The following COL12A1 variants were observed in gnomAD, a reference collection of about 807,000 sequenced individuals.
The protein encoded by COL12A1 is collagen type XII alpha 1 chain, also known as collagen alpha-1(XII) chain.
COL12A1 carries 114 observed loss-of-function variants against 349.7 expected under a neutral mutation model. The observed-to-expected ratio is 0.33, with a 90% CI of 0.28 to 0.38. The LOEUF (loss-of-function observed/expected upper bound fraction) is 0.38, where lower values mean the gene tolerates loss of function less well. Among genes scored for constraint, COL12A1 ranks in the 10% least tolerant of loss-of-function variants. The pLI is 1.00. For missense variants in COL12A1, 3,284 were observed against 3,756.9 expected (o/e 0.87, Z 3.29); for synonymous variants, 1,369 against 1,329.0 (o/e 1.03, Z -0.66).
intron 2 of COL12A1, among the ~76,000 whole-genome samples, chr6:75,200,371 G>C (rs981002980): frequency 6.6e-6 from 1 of 152,114 alleles, no homozygotes; most frequent in African/African-American, 2.4e-5. Flanking sequence ...CCAGGGGTTC[G>C]AGACCAGCCT....
chr6:75,131,974 T>C lies in COL12A1; in HGVS notation c.5903A>G (p.Tyr1968Cys). The C allele has an allele frequency of 6.2e-7, 1 of 1,614,096 alleles. No individual in the cohort carries two copies. Among genetic ancestry groups the C allele is most frequent in the Non-Finnish European group, 8.5e-7 (1 of 1,179,992 alleles). ...GGGTCTTGTGCCATCCACAGGAGAA[T>C]ACACAACGCGATATTGCAGCACAGG... is the stretch of plus-strand genomic sequence containing the variant. ...PGPVLQYRVV[Y>C]SPVDGTRPSE... The change falls in exon 35 of 66, where the codon TAT (tyrosine) becomes TGT (cysteine). Residue 1968 changes from tyrosine (Y) to cysteine (C), a missense_variant. Around this residue, in one of 2 missense-constraint regions of COL12A1, gnomAD observed 2,601 missense variants for 2,824.8 expected, o/e 0.92. Transcript: ENST00000322507.
At chr6:75,108,618 C>A (rs186432265) in intron 52 of COL12A1, among the ~76,000 whole-genome samples, 1 of 152,242 alleles carries the variant, frequency 6.6e-6, no homozygotes, top group Non-Finnish European at 1.5e-5. Flanking sequence ...GTGAAAGTTG[C>A]AACTAGTGTC....
intron 2 of COL12A1, among the ~76,000 whole-genome samples, chr6:75,198,874 C>G (rs1770374776): frequency 6.6e-6 from 1 of 152,092 alleles, no homozygotes; most frequent in Non-Finnish European, 1.5e-5. Flanking sequence ...TCTGTGATAA[C>G]AACACTGGAA....
Position 75,125,279 on chromosome 6 carries a change from T to C in COL12A1, c.6461-6A>G. On this transcript the variant is annotated splice_polypyrimidine_tract_variant and splice_region_variant and intron_variant, in intron 39 of 65. Coordinates refer to ENST00000322507, the MANE Select transcript of COL12A1 (RefSeq NM_004370.6). ...TTCCATGGGCTCATTGGAACCTTTA[T>C]TAACAACCACAAAAATACACAGAAA... The C allele has an allele frequency of 6.3e-7, 1 of 1,592,234 alleles. No individual in the cohort carries two copies. The highest frequency in any genetic ancestry group is 8.5e-7 in the Non-Finnish European group (1 of 1,170,582).
At chr6:75,195,708 T>C (rs1770190931) in intron 2 of COL12A1, among the ~76,000 whole-genome samples, 1 of 152,178 alleles carries the variant, frequency 6.6e-6, no homozygotes, top group Non-Finnish European at 1.5e-5. Flanking sequence ...TGCTGAATGT[T>C]CCAGGGTGTA....
At position 75,086,648 on chromosome 6, in the gene COL12A1, G is replaced by GTATA. The variant is rs61611291; in HGVS notation, c.9182-95_9182-92dup. 0.012 allele frequency: 3,444 copies of GTATA among 288,876 alleles called. 101 individuals carry two copies. Among genetic ancestry groups the GTATA allele is most frequent in the African/African-American group, 0.071 (2,937 of 41,156 alleles). 17.9% of individuals were successfully genotyped at this position (288,876 alleles called of 1,614,324 possible). A position where few individuals can be genotyped will look rare whatever the true frequency, so the allele number is the denominator to read the frequency against. On this transcript the variant is annotated intron_variant, in intron 65 of 65. Coordinates refer to ENST00000322507, the MANE Select transcript of COL12A1 (RefSeq NM_004370.6). ...TCCATCTACGTATGTAATGGTTAAA[G>GTATA]TATATATATATATATATATATATAT...
At chr6:75,115,599 C>T (rs1295960649) in intron 49 of COL12A1, among the ~76,000 whole-genome samples, 185 bp downstream of exon 49, 4 of 152,124 alleles carry the variant, frequency 2.6e-5, no homozygotes, top group African/African-American at 9.7e-5. Flanking sequence ...TCTTAGTCTC[C>T]TGTGTGCAAA....
chr6:75,115,855 C>T lies in COL12A1; in HGVS notation c.7626G>A (p.Leu2542=). 6.2e-7 allele frequency: 1 copy of T among 1,613,652 alleles called. No individual in the cohort carries two copies. Among genetic ancestry groups the T allele is most frequent in the Non-Finnish European group, 8.5e-7 (1 of 1,179,710 alleles). ...AGTAGCTGGGGAAAGACCCTGACTC[C>T]AAAGATACTCCTTGTACAGAAGCAA... The part of the protein sequence containing the change: ...KNFASVQGVS[L]ESGSFPSYSA... The change falls in exon 49 of 66, where the codon TTG becomes TTA. Residue 2542 remains leucine (L), a synonymous_variant. Coordinates refer to ENST00000322507, the MANE Select transcript of COL12A1 (RefSeq NM_004370.6).
intron 17 of COL12A1, among the ~76,000 whole-genome samples, chr6:75,153,634 C>T (rs924946932): frequency 6.6e-6 from 1 of 152,014 alleles, no homozygotes; most frequent in Non-Finnish European, 1.5e-5. Flanking sequence ...TTAAGGATTC[C>T]CAAATACTAT....
intron 57 of COL12A1, 101 bp from the exon 58 acceptor site, chr6:75,101,754 C>T: frequency 7.5e-7 from 1 of 1,327,246 alleles, no homozygotes; most frequent in Non-Finnish European, 1.0e-6. Flanking sequence ...TCCAGAGACT[C>T]TGAATAGAAA....
chr6:75,186,279 C>T (rs1769614355), intron 8 of COL12A1, among the ~76,000 whole-genome samples: 1 of 152,096 alleles, frequency 6.6e-6, no homozygotes, highest in Non-Finnish European at 1.5e-5. Flanking sequence ...AAGAAAACAA[C>T]ACACAACCCC....
At chr6:75,198,544 C>T (rs1770353030) in intron 2 of COL12A1, among the ~76,000 whole-genome samples, 1 of 151,654 alleles carries the variant, frequency 6.6e-6, no homozygotes, top group South Asian at 2.1e-4. Context: ...TCAGGTATCT[C>T]CAATTCAGAT....
At chr6:75,088,102 A>G (rs1397433485) in intron 64 of COL12A1, among the ~76,000 whole-genome samples, 1 of 152,220 alleles carries the variant, frequency 6.6e-6, no homozygotes, top group Non-Finnish European at 1.5e-5. Flanking sequence ...GCTGCCATCA[A>G]AAGAAGGCAG....
intron 32 of COL12A1, 41 bp downstream of exon 32, chr6:75,134,685 G>C (rs1048492318): frequency 6.6e-7 from 1 of 1,518,064 alleles, no homozygotes. Flanking sequence ...CATTCTAATA[G>C]TAGCTATTAA....
intron 10 of COL12A1, among the ~76,000 whole-genome samples, chr6:75,182,738 C>T (rs1769378613): frequency 6.6e-6 from 1 of 152,184 alleles, no homozygotes; most frequent in African/African-American, 2.4e-5. Flanking sequence ...ACACCCCATA[C>T]ATGGGATTTG....
rs371880506 is a variant in COL12A1, at chr6:75,155,849, G to A, written c.3256C>T (p.Arg1086Trp). The A allele has an allele frequency of 5.6e-6, 9 of 1,593,888 alleles. No homozygotes were observed. Among genetic ancestry groups the A allele is most frequent in the Admixed American group, 1.9e-5 (1 of 53,920 alleles). The change falls in exon 16 of 66, where the codon CGG becomes TGG. Residue 1086 changes from arginine (R) to tryptophan (W), a missense_variant. Arg to Trp is a moderately radical substitution (Grantham distance 101). Around this residue, in one of 2 missense-constraint regions of COL12A1, gnomAD observed 2,601 missense variants for 2,824.8 expected, o/e 0.92. Transcript: ENST00000322507. Reference sequence around the variant, plus strand: ...TTGAGGTTTCTAGGAGACTTAAACCGAGAAGCTGTAAAGACAAAAAGATTT... The same window carrying A: ...TTGAGGTTTCTAGGAGACTTAAACCAAGAAGCTGTAAAGACAAAAAGATTT... ...LRQGSGTTAS[R>W]FKSPRNLKTS...
rs199757996 is a variant in COL12A1, at chr6:75,151,968, G to A, written c.3899C>T (p.Ala1300Val). 96 of 1,613,686 alleles carry A rather than the reference G, an allele frequency of 5.9e-5. No individual in the cohort carries two copies. The highest frequency in any genetic ancestry group is 7.3e-5 in the Non-Finnish European group (86 of 1,179,832). ...FRTQAGMRPRARKIGVLITDG... is the reference protein window; with the variant it reads ...FRTQAGMRPRVRKIGVLITDG... Reference sequence around the variant, plus strand: ...AGTAATGAGCACACCAATTTTTCGAGCTCGAGGTCTCATGCCAGCTTGGGT... The same window carrying A: ...AGTAATGAGCACACCAATTTTTCGAACTCGAGGTCTCATGCCAGCTTGGGT... The change falls in exon 20 of 66, where the codon GCT becomes GTT. Residue 1300 changes from alanine (A) to valine (V), a missense_variant. By Grantham distance (64) the Ala-to-Val change is moderately conservative. Around this residue, in one of 2 missense-constraint regions of COL12A1, gnomAD observed 2,601 missense variants for 2,824.8 expected, o/e 0.92. Transcript: ENST00000322507.
At chr6:75,125,051 C>T (rs1765945570) in intron 40 of COL12A1, 76 bp downstream of exon 40, 11 of 1,399,542 alleles carry the variant, frequency 7.9e-6, no homozygotes, top group Non-Finnish European at 1.0e-5. Flanking sequence ...TGTTCAGAAA[C>T]AGGAAATTAA....
At chr6:75,189,115 TC>T in intron 7 of COL12A1, 101 bp downstream of exon 7, 1 of 1,280,032 alleles carries the variant, frequency 7.8e-7, no homozygotes, top group Non-Finnish European at 1.1e-6. Context: ...AGTAAACACT[TC>T]TAATAGCATC....
Sources: allele counts gnomAD v4.1 joint callset (sites outside exome capture counted in the v4.1 genomes callset), GRCh38; gene constraint gnomAD v4.1.1; regional missense constraint gnomAD v4.1.1; transcripts MANE v1.5; gene names NCBI Gene and HGNC (gene_info 2026-07-23, HGNC 2026-07-21).